Variants in FLT1 observed in about 807,000 individuals in gnomAD.
The protein encoded by FLT1 is fms related receptor tyrosine kinase 1, also known as vascular endothelial growth factor receptor 1.
In FLT1, 49 loss-of-function variants were observed where a neutral mutation model predicts 156.3. The observed-to-expected ratio is 0.31, with a 90% CI of 0.25 to 0.40. FLT1 has a LOEUF of 0.40. FLT1 is among the 10% of genes least tolerant of loss of function. The pLI, the probability that FLT1 is intolerant of heterozygous loss-of-function variation, is 1.00. For missense variants in FLT1, 1,322 were observed against 1,637.2 expected (o/e 0.81, Z 3.32); for synonymous variants, 594 against 583.8 (o/e 1.02, Z -0.25).
chr13:28,313,050 C>T (rs887586155), intron 25 of FLT1, among the ~76,000 whole-genome samples: 2 of 152,012 alleles, frequency 1.3e-5, no homozygotes, highest in African/African-American at 4.8e-5. Flanking sequence ...ATGATCTCAG[C>T]TTACTGCAAC....
chr13:28,480,893 C>T (rs185381345), intron 1 of FLT1, among the ~76,000 whole-genome samples: 13 of 152,224 alleles, frequency 8.5e-5, no homozygotes, highest in East Asian at 5.8e-4. Flanking sequence ...GGAAGACGAC[C>T]GGGGTGGAGA....
At chr13:28,420,467 T>C (rs1876934867) in intron 10 of FLT1, among the ~76,000 whole-genome samples, 1 of 152,214 alleles carries the variant, frequency 6.6e-6, no homozygotes, top group African/African-American at 2.4e-5. Context: ...GACACATGGA[T>C]GGATACAAAT....
At chr13:28,487,629 T>C (rs1881236953) in intron 1 of FLT1, among the ~76,000 whole-genome samples, 1 of 152,114 alleles carries the variant, frequency 6.6e-6, no homozygotes. Flanking sequence ...GCAAATACAT[T>C]CCATTTCAAG....
chr13:28,329,522 G>T, intron 19 of FLT1, 93 bp downstream of exon 19: 1 of 899,684 alleles, frequency 1.1e-6, no homozygotes, highest in African/African-American at 1.6e-5. Flanking sequence ...AGGCGAGGAA[G>T]CACAGTGCGG....
intron 1 of FLT1, among the ~76,000 whole-genome samples, chr13:28,471,800 T>C (rs528077936): frequency 5.5e-4 from 84 of 152,344 alleles, no homozygotes; most frequent in African/African-American, 1.9e-3. Context: ...AATGATCTTG[T>C]CCCTTCTGTG....
intron 10 of FLT1, among the ~76,000 whole-genome samples, chr13:28,413,129 G>A (rs957991205): frequency 1.3e-5 from 2 of 152,006 alleles, no homozygotes; most frequent in African/African-American, 2.4e-5. Flanking sequence ...GAAGAGTTTC[G>A]GGGGTTGTGG....
At chr13:28,416,855 A>G (rs936372227) in intron 10 of FLT1, among the ~76,000 whole-genome samples, 2 of 152,196 alleles carry the variant, frequency 1.3e-5, no homozygotes, top group African/African-American at 4.8e-5. Context: ...ATCAGTGATC[A>G]TCTTATATAA....
chr13:28,340,679 C>T (rs1263074108), intron 16 of FLT1, among the ~76,000 whole-genome samples: 1 of 152,188 alleles, frequency 6.6e-6, no homozygotes, highest in Admixed American at 6.5e-5. Flanking sequence ...ATTTGACACC[C>T]ACTCGCATTC....
chr13:28,431,570 C>T (rs1251836536), intron 6 of FLT1, among the ~76,000 whole-genome samples: 1 of 152,124 alleles, frequency 6.6e-6, no homozygotes, highest in Non-Finnish European at 1.5e-5. Context: ...AATTGTTTGT[C>T]CCAACAACCT....
chr13:28,351,747 A>G (rs547696606), intron 15 of FLT1, among the ~76,000 whole-genome samples: 28 of 152,324 alleles, frequency 1.8e-4, no homozygotes, highest in African/African-American at 6.7e-4. Flanking sequence ...TTTTTTCACA[A>G]GTTAAATCCT....
intron 3 of FLT1, among the ~76,000 whole-genome samples, chr13:28,444,706 A>C (rs1878514902): frequency 6.6e-6 from 1 of 152,254 alleles, no homozygotes; most frequent in Middle Eastern, 3.2e-3. Context: ...TTAAAAATCA[A>C]TAACAGAAAT....
chr13:28,332,333 C>A (rs1207190774), intron 18 of FLT1, among the ~76,000 whole-genome samples: 2 of 152,116 alleles, frequency 1.3e-5, no homozygotes, highest in Non-Finnish European at 2.9e-5. Flanking sequence ...GTTCAGCTTG[C>A]TGTATTTATA....
At chr13:28,359,860 C>T (rs1250375830) in intron 14 of FLT1, among the ~76,000 whole-genome samples, 1 of 152,176 alleles carries the variant, frequency 6.6e-6, no homozygotes, top group African/African-American at 2.4e-5. Context: ...CCTGTAATCC[C>T]AGCACTTTGG....
chr13:28,385,080 G>A, intron 13 of FLT1, 49 bp from the exon 14 acceptor site: 1 of 1,589,172 alleles, frequency 6.3e-7, no homozygotes, highest in Non-Finnish European at 8.6e-7. Context: ...CTTTATTCTT[G>A]TATTGTCTAT....
intron 4 of FLT1, among the ~76,000 whole-genome samples, chr13:28,437,318 C>G (rs2137559117): frequency 6.6e-6 from 1 of 152,264 alleles, no homozygotes; most frequent in East Asian, 1.9e-4. Context: ...AATCCTCCAC[C>G]ACATTTCAGG....
At chr13:28,415,436 G>A (rs556846384) in intron 10 of FLT1, among the ~76,000 whole-genome samples, 3 of 152,026 alleles carry the variant, frequency 2.0e-5, no homozygotes, top group African/African-American at 4.8e-5. Context: ...AGCCAAGATC[G>A]CGCCACTGCA....
intron 20 of FLT1, among the ~76,000 whole-genome samples, chr13:28,324,558 G>A (rs1268688948): frequency 6.6e-6 from 1 of 152,228 alleles, no homozygotes; most frequent in Non-Finnish European, 1.5e-5. Flanking sequence ...GCCATTGCAG[G>A]TAACCCACCT....
At chr13:28,391,341 C>A (rs1874699451) in intron 12 of FLT1, among the ~76,000 whole-genome samples, 1 of 152,204 alleles carries the variant, frequency 6.6e-6, no homozygotes, top group Non-Finnish European at 1.5e-5. Context: ...CTGCTTACGA[C>A]AAACCTGCCT....
At chr13:28,410,851 G>C (rs548160996) in intron 10 of FLT1, among the ~76,000 whole-genome samples, 14 of 152,250 alleles carry the variant, frequency 9.2e-5, no homozygotes, top group Admixed American at 4.6e-4. Context: ...AAGTTCACAG[G>C]GAAAGGAGCA....
Sources: gnomAD v4.1 joint callset for allele counts (sites outside exome capture counted in the v4.1 genomes callset) on GRCh38, gnomAD v4.1.1 for gene constraint, MANE v1.5 for transcripts, NCBI Gene and HGNC (gene_info 2026-07-23, HGNC 2026-07-21) for gene names.